Variants in EYA2 observed in about 807,000 individuals in gnomAD.
EYA2 encodes the protein protein phosphatase EYA2.
A neutral mutation model predicts 69.2 loss-of-function variants in EYA2; 31 were observed. The observed-to-expected ratio is 0.45, with a 90% CI of 0.34 to 0.60. The LOEUF is 0.60. Ranked by LOEUF, EYA2 falls within the 20% of genes least tolerant of loss-of-function variation. The probability of loss-of-function intolerance (pLI) is 0.02; values close to 1 mark genes in which losing one functional copy is unlikely to be tolerated. For missense variants in EYA2, 622 were observed against 701.2 expected (o/e 0.89, Z 1.28); for synonymous variants, 257 against 279.4 (o/e 0.92, Z 0.80).
chr20:47,180,743 G>T, intron 13 of EYA2, 72 bp from the exon 14 acceptor site: 28 of 1,569,154 alleles, frequency 1.8e-5, no homozygotes, highest in Non-Finnish European at 2.4e-5. Context: ...CCAACTGCAG[G>T]CTCATGCAGC....
intron 12 of EYA2, among the ~76,000 whole-genome samples, chr20:47,175,708 T>C (rs1014806787): frequency 6.6e-6 from 1 of 151,986 alleles, no homozygotes; most frequent in Non-Finnish European, 1.5e-5. Context: ...TGGAGCAAAG[T>C]AGGGGTGGTT....
At chr20:47,087,620 G>A (rs1437718249) in intron 7 of EYA2, among the ~76,000 whole-genome samples, 1 of 152,220 alleles carries the variant, frequency 6.6e-6, no homozygotes, top group African/African-American at 2.4e-5. Flanking sequence ...TCTGATGCTG[G>A]CTTTAGGACC....
chr20:47,000,840 A>T (rs144970155), intron 2 of EYA2, among the ~76,000 whole-genome samples: 1 of 152,050 alleles, frequency 6.6e-6, no homozygotes, highest in African/African-American at 2.4e-5. Context: ...TCCTTCCCCT[A>T]AAGTGTTGGG....
intron 5 of EYA2, among the ~76,000 whole-genome samples, chr20:47,057,305 G>C (rs2030677195): frequency 6.6e-6 from 1 of 152,198 alleles, no homozygotes; most frequent in Non-Finnish European, 1.5e-5. Flanking sequence ...GCCAGCTGCA[G>C]CCAGGTCTTT....
Position 46,976,477 on chromosome 20 carries a change from C to T in EYA2, c.-10-13524C>T, listed in dbSNP as rs571571002. On this transcript the variant is annotated intron_variant, in intron 1 of 15. Transcript: ENST00000327619. ...CTAGGCTCACTGCAAACTCCGCCTC[C>T]CGGGTTCACGCCATTCTCCTGCCTC... Among the ~76,000 whole-genome samples the T allele has an allele frequency of 3.9e-5, 6 of 152,276 alleles. No homozygotes were observed. The South Asian group carries it at 1.2e-3, about 32-fold the overall frequency.
rs548710799 is a variant in EYA2, at chr20:46,976,974, T to C, written c.-10-13027T>C. ...AGGACTGGACAGGTGAACTGTGGAATAGACATACCTGCAGATACCATGCAG... is the reference window on the plus strand; with the variant it reads ...AGGACTGGACAGGTGAACTGTGGAACAGACATACCTGCAGATACCATGCAG... On this transcript the variant is annotated intron_variant, in intron 1 of 15. Coordinates refer to ENST00000327619, the MANE Select transcript of EYA2 (RefSeq NM_005244.5). 2.0e-5 allele frequency among the ~76,000 whole-genome samples: 3 copies of C among 152,300 alleles called. No individual in the cohort carries two copies. The South Asian group carries it at 6.2e-4, about 32-fold the overall frequency.
chr20:46,936,277 C>A (rs1834527312), intron 1 of EYA2, among the ~76,000 whole-genome samples: 1 of 152,206 alleles, frequency 6.6e-6, no homozygotes, highest in South Asian at 2.1e-4. Context: ...TCAAGACCAT[C>A]CTGGTTAACA....
At chr20:47,163,472 G>A (rs1193642119) in intron 10 of EYA2, among the ~76,000 whole-genome samples, 2 of 152,034 alleles carry the variant, frequency 1.3e-5, no homozygotes, top group African/African-American at 4.8e-5. Context: ...TCCGAGGCAG[G>A]GGGGTCATCT....
chr20:46,923,949 G>A (rs1398142968), intron 1 of EYA2, among the ~76,000 whole-genome samples: 1 of 152,124 alleles, frequency 6.6e-6, no homozygotes, highest in Non-Finnish European at 1.5e-5. Context: ...AGAATCTTAA[G>A]TTGGTGCTGG....
intron 1 of EYA2, among the ~76,000 whole-genome samples, chr20:46,933,662 C>T (rs1019619195): frequency 3.3e-5 from 5 of 152,186 alleles, no homozygotes; most frequent in Non-Finnish European, 7.3e-5. Context: ...CTCACTAGAA[C>T]GAGGGAGGCC....
At position 47,073,492 on chromosome 20, in the gene EYA2, C is replaced by CAT. The variant is rs66816334; in HGVS notation, c.484-666_484-665insAT. Among the ~76,000 whole-genome samples the CAT allele has an allele frequency of 4.4e-3, 467 of 105,908 alleles. 3 individuals are homozygous for CAT. The highest frequency in any genetic ancestry group is 0.017 in the African/African-American group (403 of 24,010). 69.5% of individuals were successfully genotyped at this position (105,908 alleles called of 152,430 possible). A position where few individuals can be genotyped will look rare whatever the true frequency, so the allele number is the denominator to read the frequency against. On this transcript the variant is annotated intron_variant, in intron 6 of 15. Coordinates refer to ENST00000327619, the MANE Select transcript of EYA2 (RefSeq NM_005244.5). Reference sequence around the variant, plus strand: ...CGGTCTTCTAGGTTTGTGTGTGTGTCGTGGGGGGGGGGTGCAGTGTGGTCT... The same window carrying CAT: ...CGGTCTTCTAGGTTTGTGTGTGTGTCATGTGGGGGGGGGGTGCAGTGTGGTCT...
At chr20:47,060,435 G>A (rs1233078158) in intron 5 of EYA2, among the ~76,000 whole-genome samples, 1 of 152,142 alleles carries the variant, frequency 6.6e-6, no homozygotes, top group Admixed American at 6.5e-5. Flanking sequence ...CAAAAGAATA[G>A]TCTTTCCCAG....
At chr20:47,183,260 C>G (rs765306595) in intron 14 of EYA2, 31 bp from the exon 15 acceptor site, 2 of 1,607,390 alleles carry the variant, frequency 1.2e-6, no homozygotes, top group Non-Finnish European at 1.7e-6. Flanking sequence ...CCTCACAGAG[C>G]GTTTTTTCTT....
chr20:46,937,156 G>GA (rs984626003), intron 1 of EYA2, among the ~76,000 whole-genome samples: 31 of 151,320 alleles, frequency 2.0e-4, no homozygotes, highest in South Asian at 6.3e-4. Flanking sequence ...CATTTCAGAA[G>GA]AAAAAAAAAT....
intron 1 of EYA2, among the ~76,000 whole-genome samples, chr20:46,902,473 G>A (rs1361642607): frequency 1.3e-5 from 2 of 152,210 alleles, no homozygotes; most frequent in Non-Finnish European, 2.9e-5. Context: ...AGTCTGGAGA[G>A]TAACTTGTCC....
intron 6 of EYA2, among the ~76,000 whole-genome samples, chr20:47,073,501 G>T (rs531567550): frequency 3.3e-5 from 5 of 151,946 alleles, no homozygotes; most frequent in South Asian, 2.1e-4. Flanking sequence ...TCGTGGGGGG[G>T]GGGTGCAGTG....
intron 1 of EYA2, among the ~76,000 whole-genome samples, chr20:46,978,797 CTTTATAAGGCCTGGA>C (rs908559566): frequency 6.6e-6 from 1 of 152,082 alleles, no homozygotes; most frequent in Non-Finnish European, 1.5e-5. Flanking sequence ...TGGAGGTGAA[CTTTATAAGGCCTGGA>C]GATGGATTGG....
At chr20:47,106,883 A>G (rs1183864116) in intron 9 of EYA2, among the ~76,000 whole-genome samples, 1 of 152,174 alleles carries the variant, frequency 6.6e-6, no homozygotes. Context: ...AGCAGAGAGT[A>G]ACAACTCACA....
chr20:47,185,681 G>A (rs1035278015), intron 15 of EYA2, among the ~76,000 whole-genome samples: 2 of 152,082 alleles, frequency 1.3e-5, no homozygotes, highest in Non-Finnish European at 1.5e-5. Context: ...GGGCTTGGCC[G>A]GGATGAGGGC....
Sources: gnomAD v4.1 joint callset for allele counts (sites outside exome capture counted in the v4.1 genomes callset) on GRCh38, gnomAD v4.1.1 for gene constraint, MANE v1.5 for transcripts, NCBI Gene and HGNC (gene_info 2026-07-23, HGNC 2026-07-21) for gene names.